Variants in APAF1 observed in about 807,000 individuals in gnomAD.
APAF1 encodes apoptotic protease-activating factor 1.
APAF1 carries 91 observed loss-of-function variants against 152.4 expected under a neutral mutation model. The observed-to-expected ratio is 0.60, with a 90% CI of 0.50 to 0.71. The LOEUF (loss-of-function observed/expected upper bound fraction) is 0.71, where lower values mean the gene tolerates loss of function less well. Among genes scored for constraint, APAF1 ranks in the 30% least tolerant of loss-of-function variants. APAF1 has a pLI of 0.00. For synonymous variants in APAF1, 484 were observed against 494.1 expected, an observed-to-expected ratio of 0.98 and a Z score of 0.27; for missense variants, 1,283 against 1,472.0, an observed-to-expected ratio of 0.87 and a Z score of 2.10.
chr12:98,734,387 T>C lies in APAF1; in HGVS notation c.*1821T>C, dbSNP rs528353606. ...CTAAAGAAACATTTTCTCTGAAATATATTATTAAGGGCAATGGAGATAAAT... is the reference window on the plus strand; with the variant it reads ...CTAAAGAAACATTTTCTCTGAAATACATTATTAAGGGCAATGGAGATAAAT... On this transcript the variant is annotated 3_prime_UTR_variant, in exon 27 of 27. Transcript: ENST00000551964. 2 of 152,350 alleles carry C rather than the reference T, an allele frequency of 1.3e-5. No homozygotes were observed. The highest frequency in any genetic ancestry group is 4.8e-5 in the African/African-American group (2 of 41,574). 9.4% of individuals were successfully genotyped at this position (152,350 alleles called of 1,614,324 possible). A position where few individuals can be genotyped will look rare whatever the true frequency, so the allele number is the denominator to read the frequency against.
In APAF1 at chr12:98,680,190, G is replaced by T; in HGVS notation, c.1921-87G>T. Reference sequence around the variant, plus strand: ...CCTTTCTGTTTTGCAAAATGACAATGATTAAACTCACTTAAAGATTTTTAT... The same window carrying T: ...CCTTTCTGTTTTGCAAAATGACAATTATTAAACTCACTTAAAGATTTTTAT... On this transcript the variant is annotated intron_variant, in intron 13 of 26. Transcript: ENST00000551964. 5 of 1,401,820 alleles carry T rather than the reference G, an allele frequency of 3.6e-6. No individual in the cohort carries two copies. In the South Asian group the frequency reaches 6.6e-5, roughly 19 times the overall value. The allele number at this position is 1,401,820 out of a possible 1,614,324, so 86.8% of individuals were successfully genotyped here.
rs2153334030 is a variant in APAF1 at position 98,699,408 on chromosome 12, C to G, written c.2305C>G (p.Leu769Val). The G allele has an allele frequency of 6.2e-7, 1 of 1,613,752 alleles. No homozygotes were observed. ...ASCSADGTLK[L>V]WDATSANERK... is the part of the protein sequence containing the mutation. Reference sequence around the variant, plus strand: ...TCTTTTTTATTACTTTAATTCAAAGCTTTGGGATGCGACATCAGCAAATGA... The same window carrying G: ...TCTTTTTTATTACTTTAATTCAAAGGTTTGGGATGCGACATCAGCAAATGA... Residue 769 changes from leucine to valine, a missense_variant and splice_region_variant, in exon 17 of 27, where the codon CTT becomes GTT. Leu to Val is a conservative substitution (Grantham distance 32). Coordinates refer to ENST00000551964, the MANE Select transcript of APAF1 (RefSeq NM_181861.2).
In APAF1 at chr12:98,671,692, A is replaced by G. The variant is rs1490148284; in HGVS notation, c.1766A>G (p.Asp589Gly). 1 of 1,614,154 alleles carries G rather than the reference A, an allele frequency of 6.2e-7. No homozygotes were observed. Among genetic ancestry groups the G allele is most frequent in the Non-Finnish European group, 8.5e-7 (1 of 1,180,030 alleles). ...AAGCTGCAGGCCAAGCAGGAGGTCG[A>G]TAATGGAATGCTTTACCTGGAATGG... ...QAKLQAKQEV[D>G]NGMLYLEWIN... is the part of the protein sequence containing the mutation. Residue 589 changes from aspartate (D) to glycine (G), a missense_variant, in exon 12 of 27, where the codon GAT becomes GGT. Physicochemically the swap from Asp to Gly is moderately conservative, Grantham distance 94. Coordinates refer to ENST00000551964, the MANE Select transcript of APAF1 (RefSeq NM_181861.2).
chr12:98,661,113 G>A (rs998504589), intron 5 of APAF1, among the ~76,000 whole-genome samples: 4 of 152,148 alleles, frequency 2.6e-5, no homozygotes, highest in African/African-American at 4.8e-5. Context: ...GTGTTAACCA[G>A]GATGGTCTTG....
intron 4 of APAF1, among the ~76,000 whole-genome samples, chr12:98,654,816 C>CTTTTTTTTTTTTTTTTTTTTTATTTTTT (rs758991431): frequency 1.7e-5 from 2 of 116,788 alleles, no homozygotes; most frequent in Non-Finnish European, 3.5e-5. Context: ...GTAGTATTTT[C>CTTTTTTTTTTTTTTTTTTTTTATTTTTT]TTTTTTTTTT....
chr12:98,648,789 A>C lies in APAF1; in HGVS notation c.302A>C (p.Asp101Ala). The change falls in exon 3 of 27, where the codon GAT (aspartate) becomes GCT (alanine). Residue 101 changes from aspartate (D) to alanine (A), a missense_variant. Physicochemically the swap from Asp to Ala is moderately radical, Grantham distance 126. Coordinates refer to ENST00000551964, the MANE Select transcript of APAF1 (RefSeq NM_181861.2). Reference sequence around the variant, plus strand: ...GTTGTCTCTTCTTCCAGTGGTAAAGATTCAGTTAGTGGAATAACTTCGTAT... The same window carrying C: ...GTTGTCTCTTCTTCCAGTGGTAAAGCTTCAGTTAGTGGAATAACTTCGTAT... ...IPVVSSSSGK[D>A]SVSGITSYVR... The C allele has an allele frequency of 6.2e-7, 1 of 1,613,968 alleles. No individual in the cohort carries two copies. The highest frequency in any genetic ancestry group is 8.5e-7 in the Non-Finnish European group (1 of 1,179,962).
chr12:98,719,807 G>A (rs2097739929), intron 22 of APAF1, among the ~76,000 whole-genome samples: 1 of 152,038 alleles, frequency 6.6e-6, no homozygotes, highest in Non-Finnish European at 1.5e-5. Flanking sequence ...TAGAAGTGAA[G>A]GATAGAATGC....
At chr12:98,666,705 A>G (rs1239056669) in intron 9 of APAF1, among the ~76,000 whole-genome samples, 1 of 152,128 alleles carries the variant, frequency 6.6e-6, no homozygotes, top group African/African-American at 2.4e-5. Flanking sequence ...TTTGAAGAGT[A>G]CTGGCTAGTA....
At chr12:98,668,918 G>T (rs56241477) in intron 10 of APAF1, among the ~76,000 whole-genome samples, 1 of 152,178 alleles carries the variant, frequency 6.6e-6, no homozygotes, top group Non-Finnish European at 1.5e-5. Context: ...TTAGCACATA[G>T]ATGGTATTTG....
intron 12 of APAF1, among the ~76,000 whole-genome samples, chr12:98,673,717 A>T (rs1052110179): frequency 6.6e-6 from 1 of 152,024 alleles, no homozygotes; most frequent in African/African-American, 2.4e-5. Flanking sequence ...GCTAAGCACT[A>T]GCATTTGAGT....
Position 98,665,686 on chromosome 12 carries a change from T to A in APAF1, c.1089T>A (p.Ala363=). 6.2e-7 allele frequency: 1 copy of A among 1,612,104 alleles called. No homozygotes were observed. The highest frequency in any genetic ancestry group is 8.5e-7 in the Non-Finnish European group (1 of 1,178,212). Residue 363 remains alanine (A), a synonymous_variant, in exon 8 of 27, where the codon GCT becomes GCA. Transcript: ENST00000551964. ...IRKSSSYDYE[A]LDEAMSISVE... ...AATCTTCGTCTTATGATTATGAGGCTCTAGATGAAGCCATGTCTATAAGTG... is the reference window on the plus strand; with the variant it reads ...AATCTTCGTCTTATGATTATGAGGCACTAGATGAAGCCATGTCTATAAGTG...
intron 20 of APAF1, among the ~76,000 whole-genome samples, chr12:98,711,966 C>G (rs2097728367): frequency 6.6e-6 from 1 of 152,152 alleles, no homozygotes; most frequent in African/African-American, 2.4e-5. Context: ...TATATTTTAA[C>G]AAATGATAGC....
At position 98,725,560 on chromosome 12, in the gene APAF1, G is replaced by GAA. The variant is rs1335320589; in HGVS notation, c.3456+21_3456+22insAA. On this transcript the variant is annotated intron_variant, in intron 25 of 26. Coordinates refer to ENST00000551964, the MANE Select transcript of APAF1 (RefSeq NM_181861.2). The stretch of plus-strand genomic sequence containing the variant: ...ATCAGGGTAGGCTGTTTGCTGACAT[G>GAA]AGAGCACTGCTCTTCTTGTAGCTTG... 1.9e-6 allele frequency: 3 copies of GAA among 1,613,878 alleles called. No individual in the cohort carries two copies. In the South Asian group the frequency reaches 3.3e-5, roughly 18 times the overall value.
At chr12:98,655,684 G>T (rs1002094654) in intron 4 of APAF1, among the ~76,000 whole-genome samples, 2 of 152,060 alleles carry the variant, frequency 1.3e-5, no homozygotes, top group African/African-American at 2.4e-5. Flanking sequence ...CATGATCCTG[G>T]CTCACTGCAG....
At position 98,671,564 on chromosome 12, in the gene APAF1, G is replaced by A; in HGVS notation, c.1638G>A (p.Glu546=). 1 of 1,613,982 alleles carries A rather than the reference G, an allele frequency of 6.2e-7. No individual in the cohort carries two copies. Among genetic ancestry groups the A allele is most frequent in the South Asian group, 1.1e-5 (1 of 91,068 alleles). Residue 546 remains glutamate (E), a synonymous_variant, in exon 12 of 27, where the codon GAG becomes GAA. Transcript: ENST00000551964. ...GTGCAGTCAGTGAGAATTTTCAGGA[G>A]TTTTTATCTTTAAATGGACACCTTC... is the stretch of plus-strand genomic sequence containing the variant. ...KDCAVSENFQ[E]FLSLNGHLLG... is the part of the protein sequence containing the mutation.
At chr12:98,703,629 C>T in intron 18 of APAF1, 130 bp downstream of exon 18, 1 of 1,101,154 alleles carries the variant, frequency 9.1e-7, no homozygotes, top group Non-Finnish European at 1.3e-6. Flanking sequence ...TCTTTATAGC[C>T]TAATGACCTC....
At chr12:98,710,229 C>G (rs1272030932) in intron 20 of APAF1, among the ~76,000 whole-genome samples, 1 of 133,786 alleles carries the variant, frequency 7.5e-6, no homozygotes, top group African/African-American at 2.9e-5. Context: ...ACTATTTTCT[C>G]ATAGTATATT....
chr12:98,700,955 T>G (rs2097714769), intron 17 of APAF1, among the ~76,000 whole-genome samples: 1 of 152,202 alleles, frequency 6.6e-6, no homozygotes. Flanking sequence ...TATGGCTGAA[T>G]AATATTCCAT....
rs2153332558 is a variant in APAF1 at position 98,696,749 on chromosome 12, G to T, written c.2305-2659G>T. 2.6e-5 allele frequency among the ~76,000 whole-genome samples: 4 copies of T among 152,258 alleles called. No individual in the cohort carries two copies. In the South Asian group the frequency reaches 8.3e-4, roughly 32 times the overall value. On this transcript the variant is annotated intron_variant, in intron 16 of 26. Coordinates refer to ENST00000551964, the MANE Select transcript of APAF1 (RefSeq NM_181861.2). The stretch of plus-strand genomic sequence containing the variant: ...GGGCTCAAGTGGTCCGCTTGCCTAA[G>T]CCTCCCAAGGTGCTAGGATTACAGA...
Sources: allele counts gnomAD v4.1 joint callset (sites outside exome capture counted in the v4.1 genomes callset), GRCh38; gene constraint gnomAD v4.1.1; transcripts MANE v1.5; gene names NCBI Gene and HGNC (gene_info 2026-07-23, HGNC 2026-07-21).